FOXP1: variants seen among roughly 807,000 people sequenced by gnomAD.
FOXP1 encodes forkhead box P1, also known as forkhead box protein P1.
A neutral mutation model predicts 98.2 loss-of-function variants in FOXP1; 15 were observed. That is an observed-to-expected ratio of 0.15 (90% CI 0.10 to 0.24). The LOEUF (loss-of-function observed/expected upper bound fraction) is 0.24, where lower values mean the gene tolerates loss of function less well. FOXP1 is among the 10% of genes least tolerant of loss of function. The probability of loss-of-function intolerance (pLI) is 1.00; values close to 1 mark genes in which losing one functional copy is unlikely to be tolerated. For synonymous variants in FOXP1, 371 were observed against 314.5 expected (o/e 1.18, Z -1.90); for missense variants, 633 against 848.5 (o/e 0.75, Z 3.15).
intron 5 of FOXP1, among the ~76,000 whole-genome samples, chr3:71,241,331 G>A (rs2067261824): frequency 6.6e-6 from 1 of 152,070 alleles, no homozygotes; most frequent in African/African-American, 2.4e-5. Context: ...ATAAACTACA[G>A]AACGGTGGGG....
chr3:71,437,246 A>C (rs1435487581), intron 3 of FOXP1, among the ~76,000 whole-genome samples: 1 of 152,114 alleles, frequency 6.6e-6, no homozygotes. Context: ...GTCTCTATGA[A>C]AAACACAGAA....
intron 11 of FOXP1, among the ~76,000 whole-genome samples, chr3:71,028,213 G>C (rs1456229440): frequency 6.6e-6 from 1 of 152,118 alleles, no homozygotes; most frequent in Non-Finnish European, 1.5e-5. Context: ...TTTTCTCTCT[G>C]AAATGTTGAG....
intron 5 of FOXP1, among the ~76,000 whole-genome samples, chr3:71,257,422 A>T (rs975202098): frequency 6.6e-6 from 1 of 151,760 alleles, no homozygotes; most frequent in Non-Finnish European, 1.5e-5. Context: ...TACTAAAAAT[A>T]AAAAAAATAA....
At chr3:71,502,755 C>A (rs901086478) in intron 2 of FOXP1, among the ~76,000 whole-genome samples, 4 of 152,126 alleles carry the variant, frequency 2.6e-5, no homozygotes, top group Admixed American at 6.5e-5. Context: ...TGGGAACATT[C>A]TAGAAGAAGC....
chr3:71,219,307 T>C (rs961497397), intron 5 of FOXP1, among the ~76,000 whole-genome samples: 4 of 152,204 alleles, frequency 2.6e-5, no homozygotes, highest in African/African-American at 7.2e-5. Flanking sequence ...ATAAGGCCTA[T>C]ATCCTCCAGG....
intron 3 of FOXP1, among the ~76,000 whole-genome samples, chr3:71,370,201 C>T (rs889366697): frequency 1.3e-5 from 2 of 152,068 alleles, no homozygotes; most frequent in East Asian, 1.9e-4. Flanking sequence ...CTTGGGAGTG[C>T]CAGGACTTCC....
chr3:71,373,668 C>T (rs1323825193), intron 3 of FOXP1, among the ~76,000 whole-genome samples: 1 of 152,226 alleles, frequency 6.6e-6, no homozygotes, highest in Non-Finnish European at 1.5e-5. Flanking sequence ...AAAAGTCATG[C>T]ACCCTCTCTG....
At chr3:71,148,224 A>C (rs964495287) in intron 6 of FOXP1, among the ~76,000 whole-genome samples, 24 of 152,170 alleles carry the variant, frequency 1.6e-4, no homozygotes, top group African/African-American at 5.6e-4. Context: ...TAAAAGTACA[A>C]AAATTAGCCG....
intron 3 of FOXP1, among the ~76,000 whole-genome samples, chr3:71,401,933 G>A (rs1051237590): frequency 2.0e-5 from 3 of 152,138 alleles, no homozygotes; most frequent in Non-Finnish European, 4.4e-5. Context: ...TATTCTGTAC[G>A]TGGAGTTATC....
At chr3:71,242,676 C>T (rs188242606) in intron 5 of FOXP1, among the ~76,000 whole-genome samples, 7 of 151,690 alleles carry the variant, frequency 4.6e-5, no homozygotes, top group South Asian at 2.1e-4. Flanking sequence ...TTCTTAACAA[C>T]GTACCCCATA....
chr3:71,054,546 C>G (rs1453099915), intron 7 of FOXP1, among the ~76,000 whole-genome samples: 1 of 152,224 alleles, frequency 6.6e-6, no homozygotes, highest in Admixed American at 6.5e-5. Flanking sequence ...AAATGACAGG[C>G]TGTCTTGGCC....
chr3:71,346,107 G>C (rs1577068241), intron 4 of FOXP1, among the ~76,000 whole-genome samples: 1 of 152,246 alleles, frequency 6.6e-6, no homozygotes, highest in East Asian at 1.9e-4. Context: ...TTAAAAATTT[G>C]GGAGGGGCTA....
chr3:71,198,765 T>C (rs1020076863), intron 5 of FOXP1, among the ~76,000 whole-genome samples: 3 of 152,012 alleles, frequency 2.0e-5, no homozygotes, highest in Non-Finnish European at 4.4e-5. Context: ...CAATCTCGGC[T>C]CACTGCAACC....
At chr3:71,563,654 G>A (rs2046703707) in intron 2 of FOXP1, among the ~76,000 whole-genome samples, 1 of 152,210 alleles carries the variant, frequency 6.6e-6, no homozygotes, top group South Asian at 2.1e-4. Context: ...TTCAGAATAT[G>A]AGGATATATG....
chr3:71,132,211 C>T (rs2059608332), intron 6 of FOXP1, among the ~76,000 whole-genome samples: 1 of 152,202 alleles, frequency 6.6e-6, no homozygotes, highest in East Asian at 1.9e-4. Context: ...AACCATCTCT[C>T]AACAGAAGAG....
chr3:71,021,780 C>T (rs1334178923), intron 11 of FOXP1, among the ~76,000 whole-genome samples: 1 of 152,238 alleles, frequency 6.6e-6, no homozygotes, highest in Non-Finnish European at 1.5e-5. Flanking sequence ...ATTAATGAGG[C>T]TGCACATATT....
chr3:71,275,841 TTTTTG>T (rs1233904762), intron 5 of FOXP1, among the ~76,000 whole-genome samples: 1 of 152,232 alleles, frequency 6.6e-6, no homozygotes, highest in African/African-American at 2.4e-5. Context: ...CTTCTTCGTT[TTTTTG>T]TTTTGTTTTG....
rs141119783 is a variant in FOXP1, at chr3:71,412,027, T to A, written c.-167-52783A>T. On this transcript the variant is annotated intron_variant, in intron 3 of 20. Transcript: ENST00000649528. ...TTGTTATTACTATTAAAAGCGCAAGTGCTTCTAAACAGAAGAGTCACTGTG... is the reference window on the plus strand; with the variant it reads ...TTGTTATTACTATTAAAAGCGCAAGAGCTTCTAAACAGAAGAGTCACTGTG... Among the ~76,000 whole-genome samples the A allele has an allele frequency of 4.6e-3, 705 of 152,332 alleles. 8 individuals are homozygous for A. Among genetic ancestry groups the A allele is most frequent in the African/African-American group, 0.016 (651 of 41,562 alleles).
chr3:71,184,266 G>A (rs2062511999), intron 6 of FOXP1, among the ~76,000 whole-genome samples: 9 of 152,210 alleles, frequency 5.9e-5, no homozygotes, highest in Admixed American at 5.2e-4. Context: ...CTGATTCAAA[G>A]GGTGTGGCTG....
Sources: gnomAD v4.1 joint callset for allele counts (sites outside exome capture counted in the v4.1 genomes callset) on GRCh38, gnomAD v4.1.1 for gene constraint, MANE v1.5 for transcripts, NCBI Gene and HGNC (gene_info 2026-07-23, HGNC 2026-07-21) for gene names.